The following ANTXR2 variants were observed in gnomAD, a reference collection of about 807,000 sequenced individuals.
ANTXR2 encodes anthrax toxin receptor 2.
Under a neutral mutation model 73.7 loss-of-function variants are expected in ANTXR2, and 44 were observed. That is an observed-to-expected ratio of 0.60 (90% CI 0.47 to 0.77). ANTXR2 has a LOEUF of 0.77. ANTXR2 is among the 30% of genes least tolerant of loss of function. ANTXR2 has a pLI of 0.00. For missense variants in ANTXR2, 604 were observed against 592.5 expected (o/e 1.02, Z -0.20); for synonymous variants, 217 against 205.9 (o/e 1.05, Z -0.46).
chr4:80,048,372 C>T (rs1347023702), intron 7 of ANTXR2, among the ~76,000 whole-genome samples: 1 of 151,368 alleles, frequency 6.6e-6, no homozygotes, highest in Non-Finnish European at 1.5e-5. Flanking sequence ...ACATTCAGCG[C>T]TAATGATCCT....
Position 80,072,633 on chromosome 4 carries a change from G to T in ANTXR2, c.-73C>A. 7.3e-7 allele frequency: 1 copy of T among 1,374,798 alleles called. No homozygotes were observed. Among genetic ancestry groups the T allele is most frequent in the South Asian group, 1.7e-5 (1 of 59,880 alleles). The allele number at this position is 1,374,798 out of a possible 1,614,324, so 85.2% of individuals were successfully genotyped here. A position where few individuals can be genotyped will look rare whatever the true frequency, so the allele number is the denominator to read the frequency against. The stretch of plus-strand genomic sequence containing the variant: ...CTCAGGAGGGTCGCAAAGGTGGCGG[G>T]AGTCACCCGGCACGCACTCTGGGGT... On this transcript the variant is annotated 5_prime_UTR_variant, in exon 1 of 17. Coordinates refer to ENST00000403729, the MANE Select transcript of ANTXR2 (RefSeq NM_058172.6).
chr4:79,980,366 T>C (rs1444951640), intron 14 of ANTXR2, among the ~76,000 whole-genome samples: 1 of 152,168 alleles, frequency 6.6e-6, no homozygotes, highest in East Asian at 1.9e-4. Flanking sequence ...TGTGTATGTA[T>C]GCATAAATTT....
At chr4:79,918,788 G>A (rs1378905755) in intron 16 of ANTXR2, among the ~76,000 whole-genome samples, 2 of 151,806 alleles carry the variant, frequency 1.3e-5, no homozygotes, top group African/African-American at 4.8e-5. Context: ...AAATACACAA[G>A]TAATATAAAT....
intron 3 of ANTXR2, among the ~76,000 whole-genome samples, chr4:80,061,515 A>G (rs1734255819): frequency 6.6e-6 from 1 of 152,150 alleles, no homozygotes; most frequent in African/African-American, 2.4e-5. Flanking sequence ...CCAAAACAAA[A>G]TGTAGCAATA....
intron 7 of ANTXR2, among the ~76,000 whole-genome samples, chr4:80,048,329 A>G (rs1425887627): frequency 6.6e-6 from 1 of 151,228 alleles, no homozygotes; most frequent in Non-Finnish European, 1.5e-5. Context: ...CATACCATTA[A>G]TGTGAAAGTT....
intron 3 of ANTXR2, among the ~76,000 whole-genome samples, chr4:80,063,319 A>G (rs1233408858): frequency 6.6e-6 from 1 of 152,186 alleles, no homozygotes; most frequent in Non-Finnish European, 1.5e-5. Context: ...TTTCATTAAC[A>G]AAAAACCTCA....
chr4:80,042,550 A>T (rs181790309), intron 7 of ANTXR2, among the ~76,000 whole-genome samples: 1 of 152,112 alleles, frequency 6.6e-6, no homozygotes, highest in Non-Finnish European at 1.5e-5. Flanking sequence ...CTTCTTTTCT[A>T]AATATGCTCT....
intron 3 of ANTXR2, among the ~76,000 whole-genome samples, chr4:80,056,647 A>C (rs911484036): frequency 2.6e-5 from 4 of 151,912 alleles, no homozygotes; most frequent in African/African-American, 9.7e-5. Flanking sequence ...ATGGATAGAT[A>C]GATGGATGAA....
chr4:79,985,295 T>A (rs1020517255), intron 12 of ANTXR2, among the ~76,000 whole-genome samples: 5 of 149,360 alleles, frequency 3.3e-5, no homozygotes, highest in South Asian at 2.1e-4. Flanking sequence ...GCTTGCAGTG[T>A]GCCGAGATCG....
At chr4:79,914,593 T>G (rs1177489046) in intron 16 of ANTXR2, among the ~76,000 whole-genome samples, 1 of 152,182 alleles carries the variant, frequency 6.6e-6, no homozygotes, top group African/African-American at 2.4e-5. Context: ...CTTTCTGTGT[T>G]GCTTTTTCTT....
intron 12 of ANTXR2, among the ~76,000 whole-genome samples, chr4:79,993,614 CT>C (rs1247567616): frequency 1.3e-5 from 2 of 151,930 alleles, no homozygotes; most frequent in Non-Finnish European, 2.9e-5. Flanking sequence ...AATCCACTAC[CT>C]TACAAAGCAA....
At chr4:79,985,510 C>T (rs1022878094) in intron 12 of ANTXR2, among the ~76,000 whole-genome samples, 2 of 152,142 alleles carry the variant, frequency 1.3e-5, no homozygotes, top group African/African-American at 4.8e-5. Flanking sequence ...CACCCCAAGA[C>T]CATCAAGCTG....
intron 16 of ANTXR2, among the ~76,000 whole-genome samples, chr4:79,932,267 A>C (rs899769746): frequency 1.3e-5 from 2 of 152,074 alleles, no homozygotes; most frequent in African/African-American, 4.8e-5. Context: ...TATACTGTTG[A>C]TATGTTATCC....
intron 16 of ANTXR2, among the ~76,000 whole-genome samples, chr4:79,914,167 G>C (rs2109933096): frequency 1.3e-5 from 2 of 152,130 alleles, no homozygotes; most frequent in Non-Finnish European, 2.9e-5. Flanking sequence ...ATTCTCCTTG[G>C]TGTTCAGAGC....
At chr4:80,039,857 A>C (rs947334418) in intron 7 of ANTXR2, among the ~76,000 whole-genome samples, 3 of 152,142 alleles carry the variant, frequency 2.0e-5, no homozygotes, top group African/African-American at 7.2e-5. Context: ...AAAGCCATGG[A>C]ATCAACCTAG....
At chr4:79,992,660 T>G (rs1171260672) in intron 12 of ANTXR2, among the ~76,000 whole-genome samples, 2 of 151,988 alleles carry the variant, frequency 1.3e-5, no homozygotes, top group Non-Finnish European at 2.9e-5. Context: ...TGCAGGTATA[T>G]TTCCTCTATA....
At chr4:80,016,384 A>T (rs140372706) in intron 11 of ANTXR2, among the ~76,000 whole-genome samples, 2 of 152,136 alleles carry the variant, frequency 1.3e-5, no homozygotes, top group Non-Finnish European at 2.9e-5. Flanking sequence ...TTCTTTGCTG[A>T]CATCCTAGTC....
chr4:80,055,113 G>C, intron 6 of ANTXR2, 37 bp downstream of exon 6: 1 of 1,502,290 alleles, frequency 6.7e-7, no homozygotes, highest in East Asian at 2.5e-5. Flanking sequence ...ACAATTATGT[G>C]GTTCAGATTA....
chr4:80,009,388 A>G (rs1368162346), intron 11 of ANTXR2, among the ~76,000 whole-genome samples: 1 of 152,146 alleles, frequency 6.6e-6, no homozygotes, highest in African/African-American at 2.4e-5. Flanking sequence ...AACAACTCAT[A>G]TTTCTCTATA....
Sources: allele counts gnomAD v4.1 joint callset (sites outside exome capture counted in the v4.1 genomes callset), GRCh38; gene constraint gnomAD v4.1.1; transcripts MANE v1.5; gene names NCBI Gene and HGNC (gene_info 2026-07-23, HGNC 2026-07-21).